Variants in RPUSD3 observed in about 807,000 individuals in gnomAD.
RPUSD3 encodes RNA pseudouridine synthase D3.
A neutral mutation model predicts 35.1 loss-of-function variants in RPUSD3; 36 were observed. The ratio of observed to expected loss-of-function variants is 1.02; its 90% CI spans 0.79 to 1.35. RPUSD3 has a LOEUF of 1.35. Ranked by LOEUF, RPUSD3 falls within the 40% of genes most tolerant of loss-of-function variation. RPUSD3 has a pLI of 0.00. For synonymous variants in RPUSD3, 202 were observed against 187.8 expected, an observed-to-expected ratio of 1.08 and a Z score of -0.62; for missense variants, 486 against 441.9, an observed-to-expected ratio of 1.10 and a Z score of -0.89.
At chr3:9,837,935 T>C in exon 9 of RPUSD3, 2 of 1,430,010 alleles carry the variant, frequency 1.4e-6, no homozygotes, top group Non-Finnish European at 1.9e-6. Context: ...CTGTCCAGGA[T>C]GTGATCTTAG....
At chr3:9,840,464 C>T (rs1179714740) in intron 6 of RPUSD3, 68 bp downstream of exon 6, 4 of 1,594,670 alleles carry the variant, frequency 2.5e-6, no homozygotes, top group Non-Finnish European at 3.4e-6. Context: ...CAAATCCATA[C>T]CCCTGACTCC....
At chr3:9,842,561 A>T in intron 2 of RPUSD3, 1 of 444,116 alleles carries the variant, frequency 2.3e-6, no homozygotes, top group Non-Finnish European at 4.2e-6. Context: ...CCATCATAAC[A>T]CCCTGTTTTA....
At chr3:9,840,980 G>C (rs1452278136) in intron 4 of RPUSD3, 175 bp from the exon 5 acceptor site, 1 of 493,138 alleles carries the variant, frequency 2.0e-6, no homozygotes, top group African/African-American at 2.0e-5. Context: ...AGACTATGTA[G>C]CTTAATGTGT....
exon 9 of RPUSD3, chr3:9,838,165 A>T: frequency 6.2e-7 from 1 of 1,611,998 alleles, no homozygotes; most frequent in South Asian, 1.1e-5. Context: ...GCAGCCTGGG[A>T]GGGGGTCAGG....
exon 9 of RPUSD3, chr3:9,838,107 G>C: frequency 1.2e-6 from 2 of 1,612,758 alleles, no homozygotes; most frequent in Non-Finnish European, 1.7e-6. Flanking sequence ...CCTGGCCCTG[G>C]TGCCTGGGAG....
Position 9,839,172 on chromosome 3 carries a change from C to G in RPUSD3, c.725-1G>C, listed in dbSNP as rs766575494. 2 of 1,605,768 alleles carry G rather than the reference C, an allele frequency of 1.2e-6. No individual in the cohort carries two copies. The highest frequency in any genetic ancestry group is 4.5e-5 in the East Asian group (2 of 44,686). On this transcript the variant is annotated splice_acceptor_variant, in intron 7 of 8. Coordinates refer to ENST00000383820, the Ensembl canonical transcript of RPUSD3. LOFTEE classifies it high-confidence loss of function. ...TGCACCTGTAGTTGACTGGAGAACA[C>G]TGGGCAACAGGAAAGCCAGGAGAGA...
At chr3:9,838,081 G>T (rs1325507854) in exon 9 of RPUSD3, 1 of 1,611,502 alleles carries the variant, frequency 6.2e-7, no homozygotes, top group Non-Finnish European at 8.5e-7. Flanking sequence ...GGTGCCAGGA[G>T]CTCAACAGGG....
intron 4 of RPUSD3, chr3:9,841,566 G>A (rs1290185415): frequency 6.1e-6 from 1 of 163,752 alleles, no homozygotes; most frequent in East Asian, 1.8e-4. Context: ...TGAACTTCTG[G>A]ACTCAAGCAA....
At chr3:9,841,777 G>A (rs568780187) in intron 4 of RPUSD3, 3 of 501,442 alleles carry the variant, frequency 6.0e-6, no homozygotes, top group Middle Eastern at 3.0e-4. Flanking sequence ...CGTCAGGGAG[G>A]TGTCATGCTT....
At chr3:9,843,670 G>A (rs2082137123) in intron 1 of RPUSD3, 69 bp from the exon 2 acceptor site, 1 of 1,578,328 alleles carries the variant, frequency 6.3e-7, no homozygotes, top group East Asian at 2.3e-5. Context: ...ATCTCCGGAC[G>A]CCTCTTCCCA....
chr3:9,840,398 C>T lies in RPUSD3; in HGVS notation c.601-91G>A, dbSNP rs770342400. The T allele has an allele frequency of 1.9e-6, 3 of 1,608,696 alleles. No individual in the cohort carries two copies. In the African/African-American group the frequency reaches 4.0e-5, roughly 22 times the overall value. ...GCTCCCAATAGACTCCGGGCAGGGC[C>T]ACAGTATAGGCAGTGGTCACTTGCC... is the stretch of plus-strand genomic sequence containing the variant. On this transcript the variant is annotated intron_variant, in intron 6 of 8. Transcript: ENST00000383820.
chr3:9,843,810 A>T (rs1047381943), intron 1 of RPUSD3, 80 bp downstream of exon 1: 4 of 1,552,452 alleles, frequency 2.6e-6, no homozygotes, highest in Non-Finnish European at 3.5e-6. Context: ...TTCGGGTAAC[A>T]TCTACCTGAT....
chr3:9,843,766 G>T (rs766598589), intron 1 of RPUSD3, 124 bp downstream of exon 1: 4 of 1,540,944 alleles, frequency 2.6e-6, no homozygotes, highest in Non-Finnish European at 3.5e-6. Flanking sequence ...TACAGCGGAG[G>T]GCACCGAGGC....
chr3:9,842,273 A>G, intron 2 of RPUSD3, 30 bp from the exon 3 acceptor site: 1 of 1,612,568 alleles, frequency 6.2e-7, no homozygotes, highest in Non-Finnish European at 8.5e-7. Flanking sequence ...AACATCAGCA[A>G]AAGCAACGGT....
In RPUSD3 at chr3:9,842,701, C is replaced by T. The variant is rs1376732150; in HGVS notation, c.263-458G>A. 1.6e-5 allele frequency: 3 copies of T among 193,306 alleles called. No individual in the cohort carries two copies. The East Asian group carries it at 3.8e-4, about 24-fold the overall frequency. The allele number at this position is 193,306 out of a possible 1,614,324, so 12.0% of individuals were successfully genotyped here. A position where few individuals can be genotyped will look rare whatever the true frequency, so the allele number is the denominator to read the frequency against. On this transcript the variant is annotated intron_variant, in intron 2 of 8. Transcript: ENST00000383820. ...TCTATCTTTTTCAGCACTGTATAGC[C>T]TGCCTAGAACAGTGCCTGGAACATA...
In RPUSD3 at chr3:9,842,099, A is replaced by G; in HGVS notation, c.308-17T>C. 1 of 1,609,580 alleles carries G rather than the reference A, an allele frequency of 6.2e-7. No homozygotes were observed. ...CTGGTTTTCCTGGAAAGTAAGAAAGAAAAATTACAAGAGGCCAAAGCTTCA... is the reference window on the plus strand; with the variant it reads ...CTGGTTTTCCTGGAAAGTAAGAAAGGAAAATTACAAGAGGCCAAAGCTTCA... On this transcript the variant is annotated splice_polypyrimidine_tract_variant and intron_variant, in intron 3 of 8. Transcript: ENST00000383820.
chr3:9,843,430 C>T (rs746280927), intron 2 of RPUSD3, 35 bp downstream of exon 2: 2 of 1,612,022 alleles, frequency 1.2e-6, no homozygotes, highest in South Asian at 1.1e-5. Flanking sequence ...CAGTCCCCTC[C>T]CGGTCCTTGT....
chr3:9,837,993 G>A (rs761642741), exon 9 of RPUSD3: 5 of 1,538,922 alleles, frequency 3.2e-6, no homozygotes, highest in African/African-American at 2.7e-5. Flanking sequence ...GTGTGTGTGA[G>A]GGGGTCAGGA....
intron 4 of RPUSD3, 189 bp from the exon 5 acceptor site, chr3:9,840,994 T>G (rs2082095311): frequency 2.2e-6 from 1 of 447,978 alleles, no homozygotes; most frequent in Admixed American, 4.1e-5. Context: ...AATGTGTTTC[T>G]CATTTTGCCC....
Sources: gnomAD v4.1 joint callset for allele counts on GRCh38, gnomAD v4.1.1 for gene constraint, MANE v1.5 for transcripts, NCBI Gene and HGNC (gene_info 2026-07-23, HGNC 2026-07-21) for gene names.